Variants in UBE2V2 observed in about 807,000 individuals in gnomAD.
The protein encoded by UBE2V2 is ubiquitin conjugating enzyme E2 V2.
UBE2V2 carries 9 observed loss-of-function variants against 17.2 expected under a neutral mutation model. That is an observed-to-expected ratio of 0.52 (90% confidence interval 0.32 to 0.91). The LOEUF is 0.91. Ranked by LOEUF, UBE2V2 falls within the 40% of genes least tolerant of loss-of-function variation. The pLI is 0.04. For synonymous variants in UBE2V2, 61 were observed against 57.5 expected (o/e 1.06, Z -0.28); for missense variants, 133 against 182.6 (o/e 0.73, Z 1.56).
At chr8:48,058,908 A>G (rs981250039) in intron 3 of UBE2V2, among the ~76,000 whole-genome samples, 4 of 151,810 alleles carry the variant, frequency 2.6e-5, no homozygotes, top group Admixed American at 6.6e-5. Context: ...CTACTTGTAT[A>G]TAATCTTTTT....
chr8:48,017,368 T>TTC (rs768451931), intron 1 of UBE2V2, among the ~76,000 whole-genome samples: 1 of 151,854 alleles, frequency 6.6e-6, no homozygotes, highest in Non-Finnish European at 1.5e-5. Context: ...ATTCTGTATG[T>TTC]TCTCTCTCTC....
rs749998646 is a variant in UBE2V2, at chr8:48,008,482, G to A, written c.16+12G>A. The A allele has an allele frequency of 2.7e-5, 42 of 1,566,964 alleles. No homozygotes were observed. The highest frequency in any genetic ancestry group is 3.5e-5 in the Non-Finnish European group (40 of 1,158,762). ...GGCGGTCTCCACAGGTCGGTTCCCG[G>A]GCCGGGCTGCGTGATTTTCCGCTCC... is the stretch of plus-strand genomic sequence containing the variant. On this transcript the variant is annotated intron_variant, in intron 1 of 3. Coordinates refer to ENST00000523111, the MANE Select transcript of UBE2V2 (RefSeq NM_003350.3).
At chr8:48,036,314 A>T (rs540318348) in intron 1 of UBE2V2, among the ~76,000 whole-genome samples, 1 of 152,220 alleles carries the variant, frequency 6.6e-6, no homozygotes, top group East Asian at 1.9e-4. Context: ...GTAGTGCTCC[A>T]AATGAAATGA....
At chr8:48,005,308 G>C (rs538823456), upstream of UBE2V2, among the ~76,000 whole-genome samples, 1 of 152,048 alleles carries the variant, frequency 6.6e-6, no homozygotes, top group Non-Finnish European at 1.5e-5. Flanking sequence ...TGAGAATGAC[G>C]GTTTCCAGCA....
chr8:48,047,103 G>A (rs776799529), intron 2 of UBE2V2, among the ~76,000 whole-genome samples: 15 of 151,624 alleles, frequency 9.9e-5, no homozygotes, highest in Non-Finnish European at 1.8e-4. Context: ...CACCATGCCC[G>A]GCTAATTTTG....
At chr8:48,002,323 A>G in the UBE2V2 span, among the ~76,000 whole-genome samples, 1 of 152,228 alleles carries the variant, frequency 6.6e-6, no homozygotes, top group African/African-American at 2.4e-5. Context: ...AATGTGGCAT[A>G]TATGTACACA....
chr8:48,034,915 G>A (rs1007080005), intron 1 of UBE2V2: 29 of 524,478 alleles, frequency 5.5e-5, no homozygotes, highest in South Asian at 8.2e-5. Context: ...CTTGTTGCCC[G>A]GGACGCCTTG....
intron 3 of UBE2V2, among the ~76,000 whole-genome samples, chr8:48,059,154 C>T (rs751091244): frequency 2.0e-5 from 3 of 151,804 alleles, no homozygotes; most frequent in Non-Finnish European, 2.9e-5. Context: ...AGGCTGTTCT[C>T]GAACTCCTGA....
At chr8:48,053,879 A>G (rs1431834834) in intron 3 of UBE2V2, among the ~76,000 whole-genome samples, 2 of 149,448 alleles carry the variant, frequency 1.3e-5, no homozygotes, top group Non-Finnish European at 3.0e-5. Flanking sequence ...ATCTCAGCTC[A>G]CTGCAACCTC....
At chr8:48,010,161 T>C (rs1044223551) in intron 1 of UBE2V2, among the ~76,000 whole-genome samples, 2 of 152,122 alleles carry the variant, frequency 1.3e-5, no homozygotes, top group African/African-American at 4.8e-5. Flanking sequence ...TTAATCACTT[T>C]TAGTTGTTTT....
At position 48,054,266 on chromosome 8, in the gene UBE2V2, C is replaced by T. The variant is rs556448796; in HGVS notation, c.291+4288C>T. On this transcript the variant is annotated intron_variant, in intron 3 of 3. Transcript: ENST00000523111. The stretch of plus-strand genomic sequence containing the variant: ...GACACACCTTGAGTAGTGCTGCTCT[C>T]GGGAATACATCTAGAAGTGTGCCGT... Among the ~76,000 whole-genome samples the T allele has an allele frequency of 1.1e-4, 17 of 152,162 alleles. 1 individual carries two copies. The South Asian group carries it at 1.9e-3, about 17-fold the overall frequency.
intron 1 of UBE2V2, among the ~76,000 whole-genome samples, chr8:48,036,050 G>T (rs1490151103): frequency 6.6e-6 from 1 of 150,474 alleles, no homozygotes; most frequent in Non-Finnish European, 1.5e-5. Flanking sequence ...TACCTCCCAG[G>T]CTCAAGTGAT....
intron 3 of UBE2V2, 58 bp downstream of exon 3, chr8:48,050,036 T>C: frequency 8.4e-7 from 1 of 1,196,138 alleles, no homozygotes; most frequent in Non-Finnish European, 1.1e-6. Flanking sequence ...TTATATATTA[T>C]ACGTACACAC....
At chr8:48,006,097 A>G (rs903727863), upstream of UBE2V2, among the ~76,000 whole-genome samples, 2 of 152,152 alleles carry the variant, frequency 1.3e-5, no homozygotes, top group African/African-American at 4.8e-5. Context: ...CCATGCCTAC[A>G]TCCTGAATGG....
intron 3 of UBE2V2, among the ~76,000 whole-genome samples, chr8:48,056,011 G>A (rs555807365): frequency 6.6e-6 from 1 of 152,242 alleles, no homozygotes; most frequent in Admixed American, 6.5e-5. Context: ...GCCCTCCTCA[G>A]CCTCCCAAAG....
At position 48,035,631 on chromosome 8, in the gene UBE2V2, TTGTG is replaced by T. The variant is rs201716659; in HGVS notation, c.17-7376_17-7373del. On this transcript the variant is annotated intron_variant, in intron 1 of 3. Transcript: ENST00000523111. The stretch of plus-strand genomic sequence containing the variant: ...TTTAAAAATTATTGTTTTTTTTTTT[TTGTG>T]TGTGTGTGTGTGTGTGTGTGTGTGT... Among the ~76,000 whole-genome samples the T allele has an allele frequency of 2.6e-4, 29 of 109,528 alleles. No individual in the cohort carries two copies. The East Asian group carries it at 3.3e-3, about 13-fold the overall frequency. The allele number at this position is 109,528 out of a possible 152,430, so 71.9% of individuals were successfully genotyped here. A position where few individuals can be genotyped will look rare whatever the true frequency, so the allele number is the denominator to read the frequency against.
chr8:48,002,482 T>C, the UBE2V2 span, among the ~76,000 whole-genome samples: 1 of 152,050 alleles, frequency 6.6e-6, no homozygotes, highest in African/African-American at 2.4e-5. Flanking sequence ...ATAAAATAAT[T>C]TCAACTCAAA....
In UBE2V2 at chr8:48,061,874, A is replaced by G. The variant is rs560713482; in HGVS notation, c.*1046A>G. The G allele has an allele frequency of 2.5e-4, 38 of 152,322 alleles. No individual in the cohort carries two copies. The South Asian group carries it at 7.7e-3, about 31-fold the overall frequency. 9.4% of individuals were successfully genotyped at this position (152,322 alleles called of 1,614,324 possible). A position where few individuals can be genotyped will look rare whatever the true frequency, so the allele number is the denominator to read the frequency against. On this transcript the variant is annotated 3_prime_UTR_variant, in exon 4 of 4. Transcript: ENST00000523111. ...TAGGTTGCAAATTATCCAAATATATATCCCATTTTTTAAAGCATAATATCT... is the reference window on the plus strand; with the variant it reads ...TAGGTTGCAAATTATCCAAATATATGTCCCATTTTTTAAAGCATAATATCT...
chr8:48,006,919 A>G (rs1191222136), upstream of UBE2V2, among the ~76,000 whole-genome samples: 2 of 151,802 alleles, frequency 1.3e-5, no homozygotes, highest in Non-Finnish European at 2.9e-5. Flanking sequence ...TCTGTCCCCT[A>G]GGCTGGGGTG....
Sources: allele counts gnomAD v4.1 joint callset (sites outside exome capture counted in the v4.1 genomes callset), GRCh38; gene constraint gnomAD v4.1.1; transcripts MANE v1.5; gene names NCBI Gene and HGNC (gene_info 2026-07-23, HGNC 2026-07-21).